The following TPCN2 variants were observed in gnomAD, a reference collection of about 807,000 sequenced individuals.
TPCN2 encodes two pore channel protein 2.
TPCN2 carries 92 observed loss-of-function variants against 111.4 expected under a neutral mutation model. The ratio of observed to expected loss-of-function variants is 0.83; its 90% confidence interval spans 0.70 to 0.98. The LOEUF is 0.98. TPCN2 is among the 50% of genes least tolerant of loss of function. TPCN2 has a pLI of 0.00. For missense variants in TPCN2, 995 were observed against 980.1 expected, an observed-to-expected ratio of 1.02 and a Z score of -0.20; for synonymous variants, 405 against 414.5, an observed-to-expected ratio of 0.98 and a Z score of 0.28.
intron 4 of TPCN2, among the ~76,000 whole-genome samples, chr11:69,056,594 T>C (rs1854779668): frequency 6.6e-6 from 1 of 151,930 alleles, no homozygotes; most frequent in African/African-American, 2.4e-5. Flanking sequence ...AGTGCAGTGG[T>C]GCAGTCTTGG....
chr11:69,080,615 T>A lies in TPCN2; in HGVS notation c.1589+732T>A, dbSNP rs564014165. On this transcript the variant is annotated intron_variant, in intron 17 of 24. Coordinates refer to ENST00000294309, the MANE Select transcript of TPCN2 (RefSeq NM_139075.4). Reference sequence around the variant, plus strand: ...GGGCTCCTTGGGTCTCTGTGTGCTGTGTCATCCACCCCACTGCCTAGGGAG... The same window carrying A: ...GGGCTCCTTGGGTCTCTGTGTGCTGAGTCATCCACCCCACTGCCTAGGGAG... Among the ~76,000 whole-genome samples, 6 of 152,252 alleles carry A rather than the reference T, an allele frequency of 3.9e-5. No homozygotes were observed. The South Asian group carries it at 1.2e-3, about 32-fold the overall frequency.
chr11:69,068,091 C>T (rs1006551543), intron 8 of TPCN2, among the ~76,000 whole-genome samples: 6 of 152,226 alleles, frequency 3.9e-5, no homozygotes, highest in African/African-American at 7.2e-5. Flanking sequence ...CTGGCCACGA[C>T]GCTCACCCTG....
At chr11:69,079,645 G>T in intron 16 of TPCN2, 189 bp from the exon 17 acceptor site, 2 of 575,450 alleles carry the variant, frequency 3.5e-6, no homozygotes, top group Non-Finnish European at 6.1e-6. Context: ...TGAGGCCAGG[G>T]TGTCTTTCCA....
At chr11:69,073,995 G>A (rs752071307) in intron 13 of TPCN2, among the ~76,000 whole-genome samples, 3 of 152,158 alleles carry the variant, frequency 2.0e-5, no homozygotes, top group Non-Finnish European at 4.4e-5. Flanking sequence ...TAATGGCCTT[G>A]TTTTAACTAA....
chr11:69,067,792 T>A (rs543530860), intron 8 of TPCN2, among the ~76,000 whole-genome samples, 187 bp downstream of exon 8: 219 of 152,320 alleles, frequency 1.4e-3, no homozygotes, highest in Non-Finnish European at 2.9e-3. Flanking sequence ...GTCTTGGTTT[T>A]CTTCTCCCTC....
intron 5 of TPCN2, among the ~76,000 whole-genome samples, chr11:69,058,018 G>A (rs1249008088): frequency 2.0e-5 from 3 of 152,198 alleles, no homozygotes; most frequent in African/African-American, 4.8e-5. Context: ...GTCCAGCCCC[G>A]GATGAGAGCG....
chr11:69,059,569 G>A (rs1374398912), intron 5 of TPCN2, among the ~76,000 whole-genome samples: 1 of 152,248 alleles, frequency 6.6e-6, no homozygotes, highest in Non-Finnish European at 1.5e-5. Flanking sequence ...TAAGCTGACA[G>A]CGTTGCTGAG....
chr11:69,083,774 G>T (rs888895482), intron 18 of TPCN2, among the ~76,000 whole-genome samples, 171 bp from the exon 19 acceptor site: 5 of 152,074 alleles, frequency 3.3e-5, no homozygotes, highest in African/African-American at 1.2e-4. Flanking sequence ...AGGCTGTGTG[G>T]GTGTGTAGAG....
rs1279183343 is a variant in TPCN2, at chr11:69,062,869, C to T, written c.547-15C>T. The T allele has an allele frequency of 3.1e-6, 5 of 1,613,052 alleles. No individual in the cohort carries two copies. Among genetic ancestry groups the T allele is most frequent in the African/African-American group, 2.7e-5 (2 of 74,908 alleles). ...AGCACTTGACGTGGTCCTCAGTTTC[C>T]TGGGTCTCTTCCAGCCCCTGCGGAT... On this transcript the variant is annotated splice_polypyrimidine_tract_variant and intron_variant, in intron 5 of 24. Coordinates refer to ENST00000294309, the MANE Select transcript of TPCN2 (RefSeq NM_139075.4).
chr11:69,058,207 G>T (rs1360987900), intron 5 of TPCN2, among the ~76,000 whole-genome samples: 1 of 152,220 alleles, frequency 6.6e-6, no homozygotes, highest in Non-Finnish European at 1.5e-5. Flanking sequence ...GGAGAGGTGG[G>T]TGCGGAGTCA....
intron 1 of TPCN2, among the ~76,000 whole-genome samples, chr11:69,053,310 G>T (rs1396524350): frequency 1.3e-5 from 2 of 152,240 alleles, no homozygotes; most frequent in African/African-American, 4.8e-5. Context: ...CGTTCCTGCA[G>T]CTCTGACCCT....
At chr11:69,087,017 G>A (rs1364627429) in intron 23 of TPCN2, 95 bp from the exon 24 acceptor site, 12 of 1,038,006 alleles carry the variant, frequency 1.2e-5, no homozygotes, top group South Asian at 9.9e-5. Flanking sequence ...CCCCCTCAGC[G>A]GGTGCCCTGT....
Position 69,062,982 on chromosome 11 carries a change from A to G in TPCN2, c.645A>G (p.Glu215=). ...AATGCATCCGCTGGTCGCTGCCGGA[A>G]ATGGCCAGGTGGGCTCTTGGTGCTC... ...TLKCIRWSLP[E]MASVGLLLAI... Residue 215 remains glutamate (E), a synonymous_variant, in exon 6 of 25, where the codon GAA becomes GAG. Coordinates refer to ENST00000294309, the MANE Select transcript of TPCN2 (RefSeq NM_139075.4). The G allele has an allele frequency of 6.2e-7, 1 of 1,613,742 alleles. No individual in the cohort carries two copies. The highest frequency in any genetic ancestry group is 8.5e-7 in the Non-Finnish European group (1 of 1,179,762).
chr11:69,050,904 G>A (rs1031931709), intron 1 of TPCN2, among the ~76,000 whole-genome samples: 13 of 152,244 alleles, frequency 8.5e-5, no homozygotes, highest in African/African-American at 2.7e-4. Context: ...GGAGGCTCTC[G>A]GGGAGCGCTC....
intron 3 of TPCN2, among the ~76,000 whole-genome samples, 180 bp from the exon 4 acceptor site, chr11:69,054,995 G>T (rs1854691362): frequency 6.6e-6 from 1 of 152,222 alleles, no homozygotes; most frequent in Non-Finnish European, 1.5e-5. Context: ...TTCCTTTCTG[G>T]AATGCTGTGG....
rs568580697 is a variant in TPCN2, at chr11:69,054,466, A to G, written c.175-255A>G. On this transcript the variant is annotated intron_variant, in intron 2 of 24. Coordinates refer to ENST00000294309, the MANE Select transcript of TPCN2 (RefSeq NM_139075.4). ...CACGGGCACAGCTGTGCTCTCAGCA[A>G]GTGTTCCCTGAGTGTTTGCTCACGC... is the stretch of plus-strand genomic sequence containing the variant. 267 of 571,142 alleles carry G rather than the reference A, an allele frequency of 4.7e-4. 1 individual carries two copies. The highest frequency in any genetic ancestry group is 4.5e-3 in the African/African-American group (242 of 53,418). 35.4% of individuals were successfully genotyped at this position (571,142 alleles called of 1,614,324 possible). A position where few individuals can be genotyped will look rare whatever the true frequency, so the allele number is the denominator to read the frequency against.
intron 9 of TPCN2, among the ~76,000 whole-genome samples, chr11:69,070,910 C>T (rs1321109876): frequency 6.9e-6 from 1 of 145,866 alleles, no homozygotes. Flanking sequence ...CCAGGGATCC[C>T]TCACCAACAG....
chr11:69,070,261 A>G (rs1273632660), intron 8 of TPCN2, among the ~76,000 whole-genome samples, 169 bp from the exon 9 acceptor site: 1 of 151,996 alleles, frequency 6.6e-6, no homozygotes, highest in African/African-American at 2.4e-5. Flanking sequence ...CCTGACCTCA[A>G]GTGATCCACC....
chr11:69,057,454 C>T, intron 4 of TPCN2, 124 bp from the exon 5 acceptor site: 2 of 899,198 alleles, frequency 2.2e-6, no homozygotes, highest in East Asian at 2.5e-5. Context: ...CCCGTGGGGA[C>T]CACACTGTTG....
Sources: gnomAD v4.1 joint callset for allele counts (sites outside exome capture counted in the v4.1 genomes callset) on GRCh38, gnomAD v4.1.1 for gene constraint, MANE v1.5 for transcripts, NCBI Gene and HGNC (gene_info 2026-07-23, HGNC 2026-07-21) for gene names.